ZFYVE28: variants seen among roughly 807,000 people sequenced by gnomAD.
ZFYVE28 encodes the protein lateral signaling target protein 2 homolog.
ZFYVE28 carries 40 observed loss-of-function variants against 82.1 expected under a neutral mutation model. The ratio of observed to expected loss-of-function variants is 0.49; its 90% CI spans 0.38 to 0.63. The LOEUF is 0.63. Among genes scored for constraint, ZFYVE28 ranks in the 30% least tolerant of loss-of-function variants. ZFYVE28 has a pLI of 0.00. For synonymous variants in ZFYVE28, 612 were observed against 546.1 expected (o/e 1.12, Z -1.68); for missense variants, 1,321 against 1,242.1 (o/e 1.06, Z -0.96).
intron 1 of ZFYVE28, among the ~76,000 whole-genome samples, chr4:2,383,527 A>AT (rs1728941749): frequency 6.6e-6 from 1 of 152,156 alleles, no homozygotes; most frequent in Admixed American, 6.5e-5. Context: ...AAACAGACTA[A>AT]TACTCCTTTC....
intron 8 of ZFYVE28, among the ~76,000 whole-genome samples, chr4:2,298,160 C>T (rs551643554): frequency 1.4e-3 from 169 of 123,426 alleles, no homozygotes; most frequent in African/African-American, 4.9e-3. Flanking sequence ...AGAGGACGAG[C>T]GGTGACAGTG....
intron 1 of ZFYVE28, among the ~76,000 whole-genome samples, chr4:2,404,612 G>A (rs1208220752): frequency 6.6e-6 from 1 of 152,206 alleles, no homozygotes; most frequent in African/African-American, 2.4e-5. Flanking sequence ...CCTTTTATAC[G>A]AAACGTCCAG....
intron 9 of ZFYVE28, 110 bp from the exon 10 acceptor site, chr4:2,273,399 C>G: frequency 1.1e-6 from 1 of 916,292 alleles, no homozygotes; most frequent in Non-Finnish European, 1.7e-6. Flanking sequence ...CCCAGGCCAG[C>G]GTGTTCTCAG....
chr4:2,308,559 AGAAAG>A (rs1426450629), intron 7 of ZFYVE28, among the ~76,000 whole-genome samples: 1 of 149,910 alleles, frequency 6.7e-6, no homozygotes, highest in Non-Finnish European at 1.5e-5. Flanking sequence ...AGAAAGAAAG[AGAAAG>A]GAAAGAAGGA....
chr4:2,382,237 T>A (rs1260307109), intron 1 of ZFYVE28, among the ~76,000 whole-genome samples: 1 of 151,936 alleles, frequency 6.6e-6, no homozygotes, highest in Non-Finnish European at 1.5e-5. Context: ...CCACACAGAG[T>A]CCCTACTGGG....
chr4:2,271,387 G>T lies in ZFYVE28; in HGVS notation c.2456C>A (p.Ala819Asp), dbSNP rs1735892140. Residue 819 changes from alanine (A) to aspartate (D), a missense_variant, in exon 12 of 13, where the codon GCC becomes GAC. Physicochemically the swap from Ala to Asp is moderately radical, Grantham distance 126 (BLOSUM62 -2). This residue lies in a region of ZFYVE28 where 978 missense variants were observed against 833.7 expected (regional missense o/e 1.17). Transcript: ENST00000290974. The stretch of plus-strand genomic sequence containing the variant: ...TTTGCACGCCGTGCAGAAGCCACAG[G>T]CCTCGTCTGGCACCCACTCCGGGGG... ...EDPPEWVPDE[A>D]CGFCTACKAP... The T allele has an allele frequency of 1.9e-6, 3 of 1,612,756 alleles. No homozygotes were observed. Among genetic ancestry groups the T allele is most frequent in the Non-Finnish European group, 2.5e-6 (3 of 1,179,940 alleles).
intron 1 of ZFYVE28, among the ~76,000 whole-genome samples, chr4:2,377,917 G>GT (rs1433222140): frequency 6.6e-6 from 1 of 152,198 alleles, no homozygotes; most frequent in Non-Finnish European, 1.5e-5. Flanking sequence ...TAGGCTACAT[G>GT]GTAGAGCCTG....
At chr4:2,340,027 G>A (rs930952798) in intron 3 of ZFYVE28, among the ~76,000 whole-genome samples, 4 of 152,002 alleles carry the variant, frequency 2.6e-5, no homozygotes, top group Admixed American at 1.3e-4. Flanking sequence ...ACTCTTTTCC[G>A]CTCCCCGTCC....
chr4:2,406,047 C>CA (rs766149952), intron 1 of ZFYVE28, among the ~76,000 whole-genome samples: 3,521 of 90,416 alleles, frequency 0.039, 79 homozygotes, highest in Middle Eastern at 0.051. Flanking sequence ...GATTCTGTCT[C>CA]AAAAAAAAAA....
At chr4:2,396,631 G>T (rs1467202490) in intron 1 of ZFYVE28, among the ~76,000 whole-genome samples, 1 of 18,258 alleles carries the variant, frequency 5.5e-5, no homozygotes, top group African/African-American at 7.1e-4. Context: ...GACACAAGGC[G>T]GGGGTGTCTG....
rs1177182034 is a variant in ZFYVE28, at chr4:2,362,642, G to A, written c.40-8569C>T. ...TGCCAGGCTGGGGGCCCACTGACCT[G>A]GCAGCACCACCAGCCACCGGCAGCA... On this transcript the variant is annotated intron_variant, in intron 1 of 12. Transcript: ENST00000290974. This position sits in a 1 kb window ranked among gnomAD's most constrained non-coding sequence, Gnocchi z 5.1. Among the ~76,000 whole-genome samples the A allele has an allele frequency of 6.6e-6, 1 of 152,124 alleles. No homozygotes were observed. The highest frequency in any genetic ancestry group is 1.9e-4 in the East Asian group (1 of 5,162).
rs185659561 is a variant in ZFYVE28, at chr4:2,336,007, G to A, written c.612-213C>T. On this transcript the variant is annotated intron_variant, in intron 5 of 12. Transcript: ENST00000290974. Reference sequence around the variant, plus strand: ...ACACACTTCCCTAAATGCCCTGGCAGGTGGCTCCAGCTTGACCTTCCCATC... The same window carrying A: ...ACACACTTCCCTAAATGCCCTGGCAAGTGGCTCCAGCTTGACCTTCCCATC... 1.2e-4 allele frequency among the ~76,000 whole-genome samples: 19 copies of A among 152,360 alleles called. No homozygotes were observed. The East Asian group carries it at 3.7e-3, about 29-fold the overall frequency.
At chr4:2,412,916 T>A (rs1046808843) in intron 1 of ZFYVE28, among the ~76,000 whole-genome samples, 14 of 152,194 alleles carry the variant, frequency 9.2e-5, no homozygotes, top group Non-Finnish European at 1.5e-4. Context: ...CCCTCCCCCG[T>A]CTGCCCTGCC....
chr4:2,382,547 ACC>A (rs924719321), intron 1 of ZFYVE28, among the ~76,000 whole-genome samples: 4 of 152,008 alleles, frequency 2.6e-5, no homozygotes, highest in Admixed American at 6.6e-5. Flanking sequence ...GGGCCCTGTA[ACC>A]CCTTTGTTTT....
intron 1 of ZFYVE28, among the ~76,000 whole-genome samples, chr4:2,384,904 G>A (rs1442825943): frequency 6.6e-6 from 1 of 152,160 alleles, no homozygotes; most frequent in East Asian, 1.9e-4. Flanking sequence ...ACAGGCTCAG[G>A]TCCTAGACTT....
intron 1 of ZFYVE28, among the ~76,000 whole-genome samples, chr4:2,393,855 G>A (rs1730102214): frequency 6.6e-6 from 1 of 152,168 alleles, no homozygotes; most frequent in Non-Finnish European, 1.5e-5. Context: ...AGTTCCTGTG[G>A]CTGCTGCAAC....
intron 5 of ZFYVE28, 34 bp downstream of exon 5, chr4:2,337,373 G>T: frequency 6.4e-7 from 1 of 1,559,228 alleles, no homozygotes; most frequent in Admixed American, 1.8e-5. Flanking sequence ...CTCCCCAGAT[G>T]CTGCCCCCAG....
In ZFYVE28 at chr4:2,335,720, C is replaced by T; in HGVS notation, c.686G>A (p.Arg229Lys). Residue 229 changes from arginine (R) to lysine (K), a missense_variant, in exon 6 of 13, where the codon AGG becomes AAG. This residue lies in a region of ZFYVE28 where 343 missense variants were observed against 408.4 expected (regional missense o/e 0.84). Coordinates refer to ENST00000290974, the MANE Select transcript of ZFYVE28 (RefSeq NM_020972.3). This position sits in a 1 kb window ranked among gnomAD's most constrained non-coding sequence, Gnocchi z 5.8. ...YEPALMFSIP[R>K]LAIVCGLVVY... ...AGGCACTCACCACACGATGGCCAGC[C>T]TGGGGATGCTGAACATGAGGGCCGG... is the stretch of plus-strand genomic sequence containing the variant. 1 of 1,575,528 alleles carries T rather than the reference C, an allele frequency of 6.3e-7. No individual in the cohort carries two copies. The highest frequency in any genetic ancestry group is 8.6e-7 in the Non-Finnish European group (1 of 1,160,506).
intron 1 of ZFYVE28, among the ~76,000 whole-genome samples, chr4:2,374,623 AAAG>A (rs544275078): frequency 2.6e-5 from 4 of 151,852 alleles, no homozygotes; most frequent in African/African-American, 4.8e-5. Context: ...CAAAAGAAGA[AAAG>A]AAGAAGAAGG....
Sources: gnomAD v4.1 joint callset for allele counts (sites outside exome capture counted in the v4.1 genomes callset) on GRCh38, gnomAD v4.1.1 for gene constraint, gnomAD v4.1.1 regional missense constraint, Gnocchi (gnomAD v3.1) non-coding constraint, MANE v1.5 for transcripts, NCBI Gene and HGNC (gene_info 2026-07-23, HGNC 2026-07-21) for gene names.